GNAT2: variants seen among roughly 807,000 people sequenced by gnomAD.
GNAT2 encodes the protein guanine nucleotide-binding protein G(t) subunit alpha-2.
GNAT2 carries 32 observed loss-of-function variants against 40.9 expected under a neutral mutation model. The observed-to-expected ratio is 0.78, with a 90% CI of 0.59 to 1.05. The LOEUF (loss-of-function observed/expected upper bound fraction) is 1.05. GNAT2 is among the 50% of genes least tolerant of loss of function. GNAT2 has a pLI of 0.00. For synonymous variants in GNAT2, 141 were observed against 157.2 expected (o/e 0.90, Z 0.77); for missense variants, 355 against 431.5 (o/e 0.82, Z 1.57).
Position 109,610,497 on chromosome 1 carries a change from C to G in GNAT2, c.129G>C (p.Glu43Asp). ...TVKLLLLGAG[E>D]SGKSTIVKQM... Reference sequence around the variant, plus strand: ...GTTTGACGATGGTGCTCTTTCCTGACTCCCCAGCACCTGGAAGGAAAAATG... The same window carrying G: ...GTTTGACGATGGTGCTCTTTCCTGAGTCCCCAGCACCTGGAAGGAAAAATG... The change falls in exon 3 of 9, where the codon GAG (glutamate) becomes GAC (aspartate). Residue 43 changes from glutamate to aspartate, a missense_variant. Coordinates refer to ENST00000679935, the MANE Select transcript of GNAT2 (RefSeq NM_001377295.2). The G allele has an allele frequency of 4.3e-6, 7 of 1,613,886 alleles. No homozygotes were observed. Among genetic ancestry groups the G allele is most frequent in the Non-Finnish European group, 5.9e-6 (7 of 1,179,786 alleles).
At chr1:109,619,291 A>G (rs544766927) in intron 1 of GNAT2, among the ~76,000 whole-genome samples, 192 bp downstream of exon 1, 1 of 152,348 alleles carries the variant, frequency 6.6e-6, no homozygotes, top group South Asian at 2.1e-4. Flanking sequence ...CACCATATAA[A>G]GCAGGTACTC....
chr1:109,619,138 C>T (rs1026019124), intron 1 of GNAT2, among the ~76,000 whole-genome samples: 1 of 152,154 alleles, frequency 6.6e-6, no homozygotes, highest in Non-Finnish European at 1.5e-5. Flanking sequence ...GACCCCAGAA[C>T]GGCTGCAAGT....
In GNAT2 at chr1:109,610,114, C is replaced by G. The variant is rs1467112693; in HGVS notation, c.229G>C (p.Val77Leu). Residue 77 changes from valine to leucine, a missense_variant, in exon 4 of 9, where the codon GTG becomes CTG. Transcript: ENST00000679935. ...ATGATAGCCAGGATGGACTGCAGCA[C>G]ATTTCCATAGATGATAGCCTTGAAC... is the stretch of plus-strand genomic sequence containing the variant. Reference protein sequence around the residue: ...LEFKAIIYGNVLQSILAIIRA... With the variant: ...LEFKAIIYGNLLQSILAIIRA... 6.8e-6 allele frequency: 11 copies of G among 1,613,588 alleles called. No homozygotes were observed. Among genetic ancestry groups the G allele is most frequent in the Non-Finnish European group, 9.3e-6 (11 of 1,179,610 alleles).
intron 5 of GNAT2, chr1:109,606,720 A>G: frequency 2.5e-6 from 1 of 393,252 alleles, no homozygotes; most frequent in South Asian, 2.2e-5. Flanking sequence ...AAGCTTTTGT[A>G]GATTTTTGAA....
chr1:109,613,564 G>A (rs1649863921), intron 1 of GNAT2: 1 of 155,522 alleles, frequency 6.4e-6, no homozygotes, highest in African/African-American at 2.4e-5. Flanking sequence ...TCTGTTATTA[G>A]CACTTATCAC....
chr1:109,613,001 C>T lies in GNAT2; in HGVS notation c.-53-78G>A, dbSNP rs532113128. On this transcript the variant is annotated intron_variant, in intron 1 of 8. Coordinates refer to ENST00000679935, the MANE Select transcript of GNAT2 (RefSeq NM_001377295.2). The stretch of plus-strand genomic sequence containing the variant: ...TGGCTCCCCTAAAAGCTGGTCTGTA[C>T]GATGGCAGGTGAGAGAGCAGGCTGT... 2,034 of 755,800 alleles carry T rather than the reference C, an allele frequency of 2.7e-3. 10 individuals carry two copies. The highest frequency in any genetic ancestry group is 2.7e-3 in the Non-Finnish European group (1,125 of 413,538). The allele number at this position is 755,800 out of a possible 1,614,324, so 46.8% of individuals were successfully genotyped here. A position where few individuals can be genotyped will look rare whatever the true frequency, so the allele number is the denominator to read the frequency against.
Position 109,603,156 on chromosome 1 carries a change from A to G in GNAT2, c.*198T>C. The G allele has an allele frequency of 5.1e-6, 1 of 195,940 alleles. No individual in the cohort carries two copies. Among genetic ancestry groups the G allele is most frequent in the African/African-American group, 2.3e-5 (1 of 43,798 alleles). 12.1% of individuals were successfully genotyped at this position (195,940 alleles called of 1,614,324 possible). ...CTGGAACCTGGGGGGTCTTCTAACTACTGGCCTGTGCTCTTTAAGCTGCAA... is the reference window on the plus strand; with the variant it reads ...CTGGAACCTGGGGGGTCTTCTAACTGCTGGCCTGTGCTCTTTAAGCTGCAA... On this transcript the variant is annotated 3_prime_UTR_variant, in exon 9 of 9. Coordinates refer to ENST00000679935, the MANE Select transcript of GNAT2 (RefSeq NM_001377295.2).
chr1:109,612,943 G>C lies in GNAT2; in HGVS notation c.-53-20C>G, dbSNP rs527385567. 2.5e-5 allele frequency: 27 copies of C among 1,063,114 alleles called. No individual in the cohort carries two copies. In the African/African-American group the frequency reaches 3.7e-4, roughly 15 times the overall value. The allele number at this position is 1,063,114 out of a possible 1,614,324, so 65.9% of individuals were successfully genotyped here. A position where few individuals can be genotyped will look rare whatever the true frequency, so the allele number is the denominator to read the frequency against. On this transcript the variant is annotated intron_variant, in intron 1 of 8. Transcript: ENST00000679935. ...GGTTTCCTGTATGTGAGATGGAAGA[G>C]AAGGAAAAAAGTTGGGATTGAGTAT...
intron 7 of GNAT2, chr1:109,604,461 T>A (rs1649532358): frequency 3.5e-6 from 1 of 286,240 alleles, no homozygotes; most frequent in African/African-American, 2.2e-5. Flanking sequence ...AGGATGCAAC[T>A]GAGAACTTGA....
intron 5 of GNAT2, chr1:109,608,429 C>T (rs894677203): frequency 5.5e-5 from 35 of 637,270 alleles, no homozygotes; most frequent in Admixed American, 1.8e-4. Context: ...AAAGTCATGA[C>T]AACTGTGGCA....
chr1:109,604,400 A>T (rs955024385), intron 7 of GNAT2: 6 of 415,374 alleles, frequency 1.4e-5, no homozygotes, highest in Admixed American at 1.4e-4. Flanking sequence ...ATTGTCCATG[A>T]TAGTGGCTGG....
At chr1:109,615,686 A>C (rs1047866171) in intron 1 of GNAT2, 3 of 153,582 alleles carry the variant, frequency 2.0e-5, no homozygotes, top group African/African-American at 7.3e-5. Flanking sequence ...TGGGAGATAG[A>C]GGCATGAGAA....
chr1:109,614,093 T>G (rs1265779087), intron 1 of GNAT2: 2 of 152,200 alleles, frequency 1.3e-5, no homozygotes, highest in African/African-American at 4.8e-5. Flanking sequence ...TTTTAGAATT[T>G]TGTTGCCCAA....
chr1:109,609,898 G>C, intron 4 of GNAT2, 142 bp downstream of exon 4: 1 of 816,102 alleles, frequency 1.2e-6, no homozygotes, highest in Non-Finnish European at 2.1e-6. Flanking sequence ...AGTACACCTA[G>C]CAGTGAGATC....
intron 4 of GNAT2, chr1:109,609,540 G>A: frequency 4.7e-6 from 1 of 212,458 alleles, no homozygotes; most frequent in Non-Finnish European, 9.6e-6. Context: ...GCTGAGGTGG[G>A]AGAATCACTT....
chr1:109,611,622 C>T (rs1033652178), intron 2 of GNAT2: 1 of 152,114 alleles, frequency 6.6e-6, no homozygotes, highest in African/African-American at 2.4e-5. Flanking sequence ...AAAACTCATA[C>T]CTTCTAGTAC....
rs1649707484 is a variant in GNAT2 at position 109,608,994 on chromosome 1, C to T, written c.304-206G>A. The T allele has an allele frequency of 3.5e-5, 22 of 622,074 alleles. No individual in the cohort carries two copies. In the South Asian group the frequency reaches 3.9e-4, roughly 11 times the overall value. 38.5% of individuals were successfully genotyped at this position (622,074 alleles called of 1,614,324 possible). A position where few individuals can be genotyped will look rare whatever the true frequency, so the allele number is the denominator to read the frequency against. The stretch of plus-strand genomic sequence containing the variant: ...TGCAGAGGGTGGCACTATACCCAGC[C>T]CTGGGGTGTGTCTAAAGCGGGGCAG... On this transcript the variant is annotated intron_variant, in intron 4 of 8. Coordinates refer to ENST00000679935, the MANE Select transcript of GNAT2 (RefSeq NM_001377295.2).
chr1:109,608,671 C>T lies in GNAT2; in HGVS notation c.421G>A (p.Glu141Lys), dbSNP rs768086755. Residue 141 changes from glutamate (E) to lysine (K), a missense_variant, in exon 5 of 9, where the codon GAG becomes AAG. Physicochemically the swap from Glu to Lys is moderately conservative, Grantham distance 56 (BLOSUM62 1). Transcript: ENST00000679935. ...TTAAGCTGGTATTCTGCAGCTCTCT[C>T]GAAGCAGGCTTGCACCCCACCATCC... ...WKDGGVQACF[E>K]RAAEYQLNDS... 2.2e-5 allele frequency: 35 copies of T among 1,613,974 alleles called. No homozygotes were observed. Among genetic ancestry groups the T allele is most frequent in the Non-Finnish European group, 2.8e-5 (33 of 1,179,982 alleles).
chr1:109,617,725 A>G (rs1649989272), intron 1 of GNAT2: 4 of 152,302 alleles, frequency 2.6e-5, no homozygotes, highest in Admixed American at 2.6e-4. Context: ...GGCTGGGTGG[A>G]GGGCAAGGAT....
Sources: gnomAD v4.1 joint callset for allele counts (sites outside exome capture counted in the v4.1 genomes callset) on GRCh38, gnomAD v4.1.1 for gene constraint, MANE v1.5 for transcripts, NCBI Gene and HGNC (gene_info 2026-07-23, HGNC 2026-07-21) for gene names.